KHDRBS2: variants seen among roughly 807,000 people sequenced by gnomAD.
KHDRBS2 encodes the protein KH domain-containing, RNA-binding, signal transduction-associated protein 2.
A neutral mutation model predicts 44.3 loss-of-function variants in KHDRBS2; 26 were observed. The ratio of observed to expected loss-of-function variants is 0.59; its 90% CI spans 0.43 to 0.81. The LOEUF (loss-of-function observed/expected upper bound fraction) is 0.81. Among genes scored for constraint, KHDRBS2 ranks in the 40% least tolerant of loss-of-function variants. KHDRBS2 has a pLI of 0.00. For missense variants in KHDRBS2, 476 were observed against 433.1 expected, an observed-to-expected ratio of 1.10 and a Z score of -0.88; for synonymous variants, 194 against 151.1, an observed-to-expected ratio of 1.28 and a Z score of -2.08.
intron 2 of KHDRBS2, among the ~76,000 whole-genome samples, chr6:62,107,469 C>G (rs569628098): frequency 6.6e-6 from 1 of 152,152 alleles, no homozygotes; most frequent in Non-Finnish European, 1.5e-5. Context: ...AAAGAACATT[C>G]CATGCTCATG....
chr6:61,801,271 T>C (rs1489252823), intron 6 of KHDRBS2, among the ~76,000 whole-genome samples: 1 of 152,154 alleles, frequency 6.6e-6, no homozygotes, highest in Non-Finnish European at 1.5e-5. Context: ...ATTATAGACA[T>C]TGATTTCTAT....
intron 3 of KHDRBS2, among the ~76,000 whole-genome samples, chr6:62,032,798 C>T (rs776233705): frequency 3.3e-5 from 5 of 151,872 alleles, no homozygotes; most frequent in East Asian, 2.0e-4. Context: ...CTCTTCAATG[C>T]CCAGACACCA....
At position 62,098,037 on chromosome 6, in the gene KHDRBS2, TC is replaced by T. The variant is rs1801009355; in HGVS notation, c.220-50044del. 3.9e-5 allele frequency among the ~76,000 whole-genome samples: 6 copies of T among 152,058 alleles called. No individual in the cohort carries two copies. The South Asian group carries it at 1.2e-3, about 31-fold the overall frequency. Reference sequence around the variant, plus strand: ...AAAAAAGTCTACACTATAATTCTATTCCCCCCACATTTGGAATTTTTAATGT... The same window carrying T: ...AAAAAAGTCTACACTATAATTCTATTCCCCCACATTTGGAATTTTTAATGT... On this transcript the variant is annotated intron_variant, in intron 2 of 8. Transcript: ENST00000281156.
the KHDRBS2 span, among the ~76,000 whole-genome samples, chr6:61,669,721 A>G: frequency 6.6e-6 from 1 of 151,028 alleles, no homozygotes; most frequent in African/African-American, 2.4e-5. Flanking sequence ...TCATAATTCT[A>G]TGAGTATGTA....
chr6:62,039,671 T>C (rs1313864874), intron 3 of KHDRBS2, among the ~76,000 whole-genome samples: 1 of 152,080 alleles, frequency 6.6e-6, no homozygotes, highest in Non-Finnish European at 1.5e-5. Flanking sequence ...GCTCAGTTAA[T>C]AGTCTCCCCA....
intron 1 of KHDRBS2, among the ~76,000 whole-genome samples, chr6:62,278,232 C>G (rs1356712895): frequency 6.6e-6 from 1 of 152,110 alleles, no homozygotes; most frequent in Non-Finnish European, 1.5e-5. Flanking sequence ...AAAGAAAGAT[C>G]AAATTCAGTG....
intron 6 of KHDRBS2, among the ~76,000 whole-genome samples, chr6:61,792,220 T>A (rs1265976022): frequency 1.3e-5 from 2 of 151,552 alleles, no homozygotes; most frequent in African/African-American, 4.8e-5. Flanking sequence ...TGTAATTCCA[T>A]CCACCGCTCC....
intron 4 of KHDRBS2, among the ~76,000 whole-genome samples, chr6:61,909,230 C>A (rs974263638): frequency 1.3e-5 from 2 of 151,718 alleles, no homozygotes; most frequent in Admixed American, 6.6e-5. Context: ...CCATGCCCAG[C>A]TAATTTTTTT....
the KHDRBS2 span, among the ~76,000 whole-genome samples, chr6:61,571,873 G>A: frequency 6.6e-6 from 1 of 152,062 alleles, no homozygotes. Flanking sequence ...AAAGCTGAAA[G>A]AGTGTAAATA....
chr6:62,043,622 T>C (rs1394524483), intron 3 of KHDRBS2, among the ~76,000 whole-genome samples: 3 of 152,046 alleles, frequency 2.0e-5, no homozygotes, highest in Non-Finnish European at 4.4e-5. Context: ...CCTTGAATAT[T>C]ATTATATTTT....
In KHDRBS2 at chr6:61,720,103, T is replaced by C. The variant is rs530713141; in HGVS notation, c.893+12579A>G. ...TTCATCCATGTCCCTACAAAGGACA[T>C]GAACTCATCATTTTTATGGCTGCAT... On this transcript the variant is annotated intron_variant, in intron 7 of 8. Coordinates refer to ENST00000281156, the MANE Select transcript of KHDRBS2 (RefSeq NM_152688.4). 1.4e-4 allele frequency among the ~76,000 whole-genome samples: 21 copies of C among 152,332 alleles called. No individual in the cohort carries two copies. The South Asian group carries it at 3.3e-3, about 24-fold the overall frequency.
chr6:62,066,206 C>T lies in KHDRBS2; in HGVS notation c.220-18212G>A, dbSNP rs368750154. Among the ~76,000 whole-genome samples the T allele has an allele frequency of 6.4e-3, 969 of 151,736 alleles. 5 individuals carry two copies. The highest frequency in any genetic ancestry group is 1.0e-2 in the Non-Finnish European group (677 of 67,756). ...ATTATAACTACAGCTCAAAAGCAAA[C>T]CCTATTTTTTCAGCCTATTCAATTG... On this transcript the variant is annotated intron_variant, in intron 2 of 8. Transcript: ENST00000281156.
chr6:61,869,981 T>TTG (rs1554252310), intron 6 of KHDRBS2, among the ~76,000 whole-genome samples: 48,572 of 147,140 alleles, frequency 0.33, 8,502 homozygotes, highest in South Asian at 0.37. Context: ...TTTTTTTTTT[T>TTG]TTTTTTCCCC....
chr6:62,121,529 A>G (rs188443569), intron 2 of KHDRBS2, among the ~76,000 whole-genome samples: 175 of 152,314 alleles, frequency 1.1e-3, no homozygotes, highest in Non-Finnish European at 6.6e-4. Context: ...CCTGGTACCT[A>G]GCATGCAGCC....
chr6:62,235,756 T>G (rs1320723653), intron 1 of KHDRBS2, among the ~76,000 whole-genome samples: 1 of 152,014 alleles, frequency 6.6e-6, no homozygotes, highest in Non-Finnish European at 1.5e-5. Flanking sequence ...TCATTACCAT[T>G]TACTTCTCCA....
chr6:62,248,362 ATTTTTTC>A (rs1034310652), intron 1 of KHDRBS2, among the ~76,000 whole-genome samples: 11 of 150,390 alleles, frequency 7.3e-5, no homozygotes, highest in African/African-American at 2.4e-4. Flanking sequence ...ATTATTTTTT[ATTTTTTC>A]ATTTTTTTTA....
intron 1 of KHDRBS2, among the ~76,000 whole-genome samples, chr6:62,281,669 C>T (rs956335598): frequency 6.6e-6 from 1 of 152,044 alleles, no homozygotes; most frequent in African/African-American, 2.4e-5. Context: ...TTATCACAAG[C>T]ATCACAAGCA....
chr6:62,100,196 G>A (rs1255558811), intron 2 of KHDRBS2, among the ~76,000 whole-genome samples: 2 of 152,158 alleles, frequency 1.3e-5, no homozygotes, highest in African/African-American at 2.4e-5. Flanking sequence ...GAAATAGCAA[G>A]AGAATTATAA....
At chr6:62,026,652 C>T (rs1783397931) in intron 3 of KHDRBS2, among the ~76,000 whole-genome samples, 1 of 151,410 alleles carries the variant, frequency 6.6e-6, no homozygotes, top group South Asian at 2.1e-4. Context: ...CCCAGCTGGT[C>T]TTGAAATCCA....
Sources: allele counts gnomAD v4.1 joint callset (sites outside exome capture counted in the v4.1 genomes callset), GRCh38; gene constraint gnomAD v4.1.1; transcripts MANE v1.5; gene names NCBI Gene and HGNC (gene_info 2026-07-23, HGNC 2026-07-21).